The following PCDH15 variants were observed in gnomAD, a reference collection of about 807,000 sequenced individuals.
PCDH15 encodes protocadherin-15.
In PCDH15, 129 loss-of-function variants were observed where a neutral mutation model predicts 178.5. The ratio of observed to expected loss-of-function variants is 0.72; its 90% CI spans 0.63 to 0.84. The LOEUF is 0.84. Ranked by LOEUF, PCDH15 falls within the 40% of genes least tolerant of loss-of-function variation. The pLI is 0.00. For missense variants in PCDH15, 2,230 were observed against 2,099.9 expected (o/e 1.06, Z -1.21); for synonymous variants, 800 against 732.0 (o/e 1.09, Z -1.50).
chr10:53,979,549 T>C (rs1316733082), intron 21 of PCDH15, among the ~76,000 whole-genome samples: 1 of 152,196 alleles, frequency 6.6e-6, no homozygotes, highest in Non-Finnish European at 1.5e-5. Context: ...CTATAACCTA[T>C]AAATATCTGC....
chr10:54,728,554 A>G (rs539332640), intron 1 of PCDH15, among the ~76,000 whole-genome samples: 47 of 151,450 alleles, frequency 3.1e-4, no homozygotes, highest in African/African-American at 1.0e-3. Flanking sequence ...AGTTTCACCA[A>G]TCCTGTTCAA....
intron 2 of PCDH15, among the ~76,000 whole-genome samples, chr10:54,616,779 A>G (rs1480087733): frequency 1.3e-5 from 2 of 152,048 alleles, no homozygotes; most frequent in Non-Finnish European, 2.9e-5. Context: ...GGTGACATTA[A>G]TGTGTCTTCA....
At chr10:54,837,610 G>T (rs74138803) in intron 3 of PCDH15, among the ~76,000 whole-genome samples, 13,304 of 152,044 alleles carry the variant, frequency 0.088, 643 homozygotes, top group South Asian at 0.12. Context: ...TCCTTTGAAC[G>T]AGTCAATCTA....
At chr10:55,286,059 C>A (rs1445358067) in intron 1 of PCDH15, among the ~76,000 whole-genome samples, 1 of 151,824 alleles carries the variant, frequency 6.6e-6, no homozygotes, top group Non-Finnish European at 1.5e-5. Context: ...GAACATGAAA[C>A]TCTCATTTTA....
chr10:55,036,982 T>C (rs1267450006), intron 2 of PCDH15, among the ~76,000 whole-genome samples: 2 of 152,166 alleles, frequency 1.3e-5, no homozygotes, highest in South Asian at 2.1e-4. Flanking sequence ...TAATTTTTTG[T>C]CTTTCAGATC....
At chr10:54,995,156 C>T (rs1001623958) in intron 2 of PCDH15, among the ~76,000 whole-genome samples, 2 of 151,930 alleles carry the variant, frequency 1.3e-5, no homozygotes, top group Non-Finnish European at 2.9e-5. Context: ...GCGGGCGGAT[C>T]ACGAAGTCAG....
At chr10:55,587,156 T>A (rs1842740718) in intron 2 of PCDH15, among the ~76,000 whole-genome samples, 1 of 152,114 alleles carries the variant, frequency 6.6e-6, no homozygotes, top group South Asian at 2.1e-4. Context: ...TGAATGGTAT[T>A]ACATACATTA....
chr10:54,876,510 T>C (rs939043284), intron 3 of PCDH15, among the ~76,000 whole-genome samples: 1 of 152,126 alleles, frequency 6.6e-6, no homozygotes, highest in African/African-American at 2.4e-5. Context: ...CCATTCTAGA[T>C]GCCATTAAGA....
intron 2 of PCDH15, among the ~76,000 whole-genome samples, chr10:55,072,064 A>C (rs1412372241): frequency 6.6e-6 from 1 of 152,204 alleles, no homozygotes; most frequent in Non-Finnish European, 1.5e-5. Flanking sequence ...ACAAAGACAC[A>C]ACATACCAGA....
chr10:55,370,008 G>T (rs1845463812), intron 2 of PCDH15, among the ~76,000 whole-genome samples: 1 of 150,426 alleles, frequency 6.6e-6, no homozygotes, highest in Non-Finnish European at 1.5e-5. Flanking sequence ...AATTTTAAAT[G>T]ATCACAGAAA....
At chr10:55,242,653 G>C (rs1187259629) in intron 1 of PCDH15, among the ~76,000 whole-genome samples, 1 of 151,740 alleles carries the variant, frequency 6.6e-6, no homozygotes, top group Non-Finnish European at 1.5e-5. Context: ...ACCAGCTAGG[G>C]CAACGTGGCA....
At chr10:54,563,525 A>T (rs2088537836) in intron 2 of PCDH15, among the ~76,000 whole-genome samples, 1 of 152,188 alleles carries the variant, frequency 6.6e-6, no homozygotes, top group Admixed American at 6.6e-5. Flanking sequence ...GAAGAGTCTA[A>T]GTTATTGGCT....
At chr10:54,725,015 T>G (rs2132557544) in intron 1 of PCDH15, among the ~76,000 whole-genome samples, 1 of 151,474 alleles carries the variant, frequency 6.6e-6, no homozygotes, top group South Asian at 2.1e-4. Flanking sequence ...TACATATATA[T>G]TACATACACA....
chr10:55,022,991 G>T (rs1840375258), intron 2 of PCDH15, among the ~76,000 whole-genome samples: 1 of 151,714 alleles, frequency 6.6e-6, no homozygotes, highest in Admixed American at 6.6e-5. Flanking sequence ...GCCCAGGCTG[G>T]AGTGCAGTGG....
At chr10:55,493,114 A>T (rs1322651457) in intron 2 of PCDH15, among the ~76,000 whole-genome samples, 2 of 151,888 alleles carry the variant, frequency 1.3e-5, no homozygotes, top group East Asian at 3.9e-4. Context: ...GAGTACAGGG[A>T]GGGACAGAAA....
At chr10:54,393,344 G>T (rs1330084843) in intron 3 of PCDH15, among the ~76,000 whole-genome samples, 2 of 152,238 alleles carry the variant, frequency 1.3e-5, no homozygotes, top group African/African-American at 4.8e-5. Flanking sequence ...TTCTCAAGAA[G>T]GTTTTTGGTA....
intron 2 of PCDH15, among the ~76,000 whole-genome samples, chr10:55,140,787 C>T (rs1483135461): frequency 6.6e-6 from 1 of 151,906 alleles, no homozygotes; most frequent in African/African-American, 2.4e-5. Context: ...AGTTATTGGG[C>T]TATGAAAATA....
intron 3 of PCDH15, among the ~76,000 whole-genome samples, chr10:54,848,488 A>G (rs1008553697): frequency 1.3e-5 from 2 of 151,814 alleles, no homozygotes; most frequent in Non-Finnish European, 2.9e-5. Flanking sequence ...CATGTAGCAC[A>G]CTCAGCCCGC....
intron 1 of PCDH15, among the ~76,000 whole-genome samples, chr10:55,205,853 T>C (rs1840384714): frequency 6.6e-6 from 1 of 152,060 alleles, no homozygotes; most frequent in African/African-American, 2.4e-5. Context: ...TCCACATGGC[T>C]GGGGAGGCCT....
Sources: gnomAD v4.1 joint callset for allele counts (sites outside exome capture counted in the v4.1 genomes callset) on GRCh38, gnomAD v4.1.1 for gene constraint, MANE v1.5 for transcripts, NCBI Gene and HGNC (gene_info 2026-07-23, HGNC 2026-07-21) for gene names.